Variants in MGAT4C observed in about 807,000 individuals in gnomAD.
The protein encoded by MGAT4C is MGAT4 family member C.
MGAT4C carries 19 observed loss-of-function variants against 40.1 expected under a neutral mutation model. The observed-to-expected ratio is 0.47, with a 90% CI of 0.33 to 0.70. MGAT4C has a LOEUF of 0.70. Ranked by LOEUF, MGAT4C falls within the 30% of genes least tolerant of loss-of-function variation. MGAT4C has a pLI of 0.02. For missense variants in MGAT4C, 491 were observed against 563.2 expected, an observed-to-expected ratio of 0.87 and a Z score of 1.30; for synonymous variants, 181 against 187.1, an observed-to-expected ratio of 0.97 and a Z score of 0.27.
intron 1 of MGAT4C, among the ~76,000 whole-genome samples, chr12:86,150,163 T>A (rs184213248): frequency 3.9e-5 from 6 of 152,156 alleles, no homozygotes; most frequent in African/African-American, 1.4e-4. Flanking sequence ...TTCACAATAG[T>A]GTTCTTGCTC....
chr12:86,678,842 G>T (rs1949921254), intron 2 of MGAT4C, among the ~76,000 whole-genome samples: 2 of 152,016 alleles, frequency 1.3e-5, no homozygotes, highest in Non-Finnish European at 2.9e-5. Flanking sequence ...TTGGATATTT[G>T]GGTTGGTTCC....
At chr12:86,037,888 C>T (rs61931121) in intron 2 of MGAT4C, among the ~76,000 whole-genome samples, 32,262 of 148,704 alleles carry the variant, frequency 0.22, 6,059 homozygotes, top group Non-Finnish European at 0.31. Context: ...TTGTCAGTGG[C>T]GTGTTAAAGT....
At chr12:86,250,403 A>G (rs1952226288) in intron 1 of MGAT4C, among the ~76,000 whole-genome samples, 2 of 151,722 alleles carry the variant, frequency 1.3e-5, no homozygotes, top group Non-Finnish European at 2.9e-5. Flanking sequence ...TTTGCCTCTA[A>G]TGACTATGTT....
At chr12:86,530,525 C>T in intron 2 of MGAT4C, among the ~76,000 whole-genome samples, 1 of 151,998 alleles carries the variant, frequency 6.6e-6, no homozygotes, top group East Asian at 1.9e-4. Flanking sequence ...AACACTAACT[C>T]TTGCAGGTAA....
chr12:86,687,375 C>T (rs1950092588), intron 2 of MGAT4C, among the ~76,000 whole-genome samples: 1 of 152,044 alleles, frequency 6.6e-6, no homozygotes, highest in South Asian at 2.1e-4. Flanking sequence ...TTGTCTTCTG[C>T]TAGCTTTTGA....
intron 1 of MGAT4C, among the ~76,000 whole-genome samples, chr12:86,083,124 CT>C (rs1258765595): frequency 2.6e-5 from 4 of 152,086 alleles, no homozygotes; most frequent in Non-Finnish European, 1.5e-5. Context: ...TCATAAGCCT[CT>C]CTTTTTGCTC....
At chr12:86,447,524 T>C (rs1301732887) in intron 2 of MGAT4C, among the ~76,000 whole-genome samples, 2 of 152,182 alleles carry the variant, frequency 1.3e-5, no homozygotes, top group African/African-American at 4.8e-5. Context: ...CTAAATAAAA[T>C]CTTTACCCTT....
intron 2 of MGAT4C, among the ~76,000 whole-genome samples, chr12:86,638,758 C>T (rs1226643199): frequency 1.3e-5 from 2 of 151,670 alleles, no homozygotes; most frequent in Non-Finnish European, 2.9e-5. Context: ...TAAATAAATA[C>T]TCTGACCATA....
At chr12:86,721,385 G>T (rs1473442620) in intron 2 of MGAT4C, among the ~76,000 whole-genome samples, 1 of 151,190 alleles carries the variant, frequency 6.6e-6, no homozygotes, top group Non-Finnish European at 1.5e-5. Flanking sequence ...AAGAGAGAGG[G>T]AATCTGAGAA....
chr12:86,674,444 C>G (rs1403932449), intron 2 of MGAT4C, among the ~76,000 whole-genome samples: 1 of 152,010 alleles, frequency 6.6e-6, no homozygotes, highest in Non-Finnish European at 1.5e-5. Flanking sequence ...GCCTGTAATC[C>G]CAGCACTTTG....
intron 1 of MGAT4C, among the ~76,000 whole-genome samples, chr12:86,193,015 T>C (rs1889699278): frequency 6.6e-6 from 1 of 152,116 alleles, no homozygotes; most frequent in Admixed American, 6.5e-5. Flanking sequence ...TACTTTTGTA[T>C]ATATTTATTT....
chr12:86,205,357 T>C (rs1280019849), intron 1 of MGAT4C, among the ~76,000 whole-genome samples: 2 of 151,584 alleles, frequency 1.3e-5, no homozygotes, highest in Non-Finnish European at 3.0e-5. Flanking sequence ...ATTTTTTCAG[T>C]GATTTTGTCA....
chr12:86,120,626 CAG>C (rs1879227637), intron 1 of MGAT4C, among the ~76,000 whole-genome samples: 1 of 152,204 alleles, frequency 6.6e-6, no homozygotes, highest in South Asian at 2.1e-4. Flanking sequence ...CCCTGGGAAA[CAG>C]GGTCTGGAGT....
At chr12:86,614,014 T>G (rs1327576068) in intron 2 of MGAT4C, among the ~76,000 whole-genome samples, 3 of 152,200 alleles carry the variant, frequency 2.0e-5, no homozygotes, top group Admixed American at 6.5e-5. Context: ...AAGCTGATTT[T>G]AGTACACAAA....
At chr12:86,701,895 T>C (rs762381186) in intron 2 of MGAT4C, among the ~76,000 whole-genome samples, 11 of 152,172 alleles carry the variant, frequency 7.2e-5, no homozygotes, top group Non-Finnish European at 1.3e-4. Context: ...AGAGGTTGGC[T>C]CATGAAGTTT....
intron 1 of MGAT4C, among the ~76,000 whole-genome samples, chr12:86,766,678 A>G (rs1417582834): frequency 6.6e-6 from 1 of 152,046 alleles, no homozygotes; most frequent in East Asian, 1.9e-4. Context: ...CTCTCAGACC[A>G]CAGTGCAATC....
At chr12:86,555,462 G>A (rs1489610626) in intron 2 of MGAT4C, among the ~76,000 whole-genome samples, 1 of 152,070 alleles carries the variant, frequency 6.6e-6, no homozygotes, top group Non-Finnish European at 1.5e-5. Context: ...GGGGTCCAGG[G>A]TCTAAAACCC....
At chr12:86,623,481 C>G (rs1962704081) in intron 2 of MGAT4C, among the ~76,000 whole-genome samples, 1 of 152,066 alleles carries the variant, frequency 6.6e-6, no homozygotes, top group Non-Finnish European at 1.5e-5. Context: ...ATATAAATGA[C>G]AGCAGACTTC....
At chr12:86,365,171 C>A (rs576700686) in intron 3 of MGAT4C, among the ~76,000 whole-genome samples, 1 of 152,112 alleles carries the variant, frequency 6.6e-6, no homozygotes, top group African/African-American at 2.4e-5. Context: ...ATGTTCCTTG[C>A]TGAGAAAAAG....
Sources: gnomAD v4.1 joint callset for allele counts (sites outside exome capture counted in the v4.1 genomes callset) on GRCh38, gnomAD v4.1.1 for gene constraint, MANE v1.5 for transcripts, NCBI Gene and HGNC (gene_info 2026-07-23, HGNC 2026-07-21) for gene names.